The following LTBP1 variants were observed in gnomAD, a reference collection of about 807,000 sequenced individuals.
The protein encoded by LTBP1 is latent transforming growth factor beta binding protein 1.
LTBP1 carries 129 observed loss-of-function variants against 207.6 expected under a neutral mutation model. The observed-to-expected ratio is 0.62, with a 90% CI of 0.54 to 0.72. LTBP1 has a LOEUF of 0.72. Ranked by LOEUF, LTBP1 falls within the 30% of genes least tolerant of loss-of-function variation. The probability of loss-of-function intolerance (pLI) is 0.00; values close to 1 mark genes in which losing one functional copy is unlikely to be tolerated. For missense variants in LTBP1, 2,281 were observed against 2,217.2 expected, an observed-to-expected ratio of 1.03 and a Z score of -0.58; for synonymous variants, 963 against 833.7, an observed-to-expected ratio of 1.16 and a Z score of -2.67.
At chr2:33,051,081 T>C (rs912392129) in intron 3 of LTBP1, among the ~76,000 whole-genome samples, 2 of 152,088 alleles carry the variant, frequency 1.3e-5, no homozygotes, top group African/African-American at 4.8e-5. Flanking sequence ...CACACCATGA[T>C]TGTGAAGCTC....
chr2:33,346,234 A>G (rs2094699268), intron 25 of LTBP1, among the ~76,000 whole-genome samples: 1 of 152,238 alleles, frequency 6.6e-6, no homozygotes, highest in African/African-American at 2.4e-5. Flanking sequence ...TTCATTTCTC[A>G]AAGGAATATG....
At chr2:33,215,427 A>G (rs1258447015) in intron 7 of LTBP1, among the ~76,000 whole-genome samples, 1 of 152,222 alleles carries the variant, frequency 6.6e-6, no homozygotes, top group Non-Finnish European at 1.5e-5. Flanking sequence ...AATCATTAAA[A>G]ATAATAAAAC....
chr2:33,166,180 T>C (rs776401835), intron 5 of LTBP1, among the ~76,000 whole-genome samples: 2 of 152,122 alleles, frequency 1.3e-5, no homozygotes, highest in Non-Finnish European at 2.9e-5. Flanking sequence ...TGATTGTATT[T>C]TGTAAAAATA....
At chr2:33,247,900 G>C (rs1049775616) in intron 10 of LTBP1, among the ~76,000 whole-genome samples, 1 of 152,226 alleles carries the variant, frequency 6.6e-6, no homozygotes, top group Non-Finnish European at 1.5e-5. Context: ...GTTAATATGG[G>C]CTTTCCTTCC....
intron 7 of LTBP1, among the ~76,000 whole-genome samples, chr2:33,196,328 A>G (rs553863793): frequency 4.9e-4 from 74 of 152,348 alleles, no homozygotes; most frequent in African/African-American, 1.7e-3. Context: ...AAATATTAAA[A>G]TTTCCTAGAC....
chr2:33,305,729 A>G (rs2149086117), intron 22 of LTBP1, among the ~76,000 whole-genome samples: 1 of 152,332 alleles, frequency 6.6e-6, no homozygotes, highest in Middle Eastern at 3.4e-3. Context: ...GGGCCCTCCA[A>G]CATTTAGAAG....
intron 9 of LTBP1, among the ~76,000 whole-genome samples, chr2:33,240,791 C>T (rs1573375062): frequency 6.6e-6 from 1 of 151,872 alleles, no homozygotes; most frequent in Non-Finnish European, 1.5e-5. Context: ...GCTGGGACTG[C>T]AGGCACCTGC....
intron 5 of LTBP1, among the ~76,000 whole-genome samples, chr2:33,144,938 A>G (rs570684048): frequency 3.2e-4 from 48 of 152,328 alleles, no homozygotes; most frequent in African/African-American, 1.2e-3. Flanking sequence ...GGTCAGCCAC[A>G]TAGTCATCTT....
At chr2:33,031,827 C>T (rs769726191) in intron 3 of LTBP1, among the ~76,000 whole-genome samples, 1 of 151,818 alleles carries the variant, frequency 6.6e-6, no homozygotes, top group African/African-American at 2.4e-5. Flanking sequence ...TGTAGGGCTC[C>T]GAGGAATATG....
chr2:33,139,101 G>T (rs1046436405), intron 5 of LTBP1, among the ~76,000 whole-genome samples: 1 of 151,670 alleles, frequency 6.6e-6, no homozygotes, highest in Non-Finnish European at 1.5e-5. Context: ...CTCGTGATCC[G>T]CCCGCCTCGG....
intron 5 of LTBP1, among the ~76,000 whole-genome samples, chr2:33,156,612 A>G (rs1273372757): frequency 1.3e-5 from 2 of 152,312 alleles, no homozygotes; most frequent in East Asian, 3.9e-4. Flanking sequence ...ATATATAAGT[A>G]TTATTATTGT....
At chr2:32,969,229 T>TG (rs575035380) in intron 2 of LTBP1, among the ~76,000 whole-genome samples, 9,201 of 131,628 alleles carry the variant, frequency 0.07, 376 homozygotes, top group Non-Finnish European at 0.079. Flanking sequence ...CCTGGCCAAT[T>TG]TGTGTGTGTG....
rs779168923 is a variant in LTBP1, at chr2:32,975,583, G to GTTTTTT, written c.565+26671_565+26676dup. Among the ~76,000 whole-genome samples, 29 of 31,374 alleles carry GTTTTTT rather than the reference G, an allele frequency of 9.2e-4. 6 individuals carry two copies. The highest frequency in any genetic ancestry group is 1.8e-3 in the African/African-American group (13 of 7,278). 20.6% of individuals were successfully genotyped at this position (31,374 alleles called of 152,430 possible). A position where few individuals can be genotyped will look rare whatever the true frequency, so the allele number is the denominator to read the frequency against. On this transcript the variant is annotated intron_variant, in intron 2 of 33. Transcript: ENST00000404816. ...TTGTTGGAGGTTTCATTCATTCTTTGTTTTTTTTTTTTTTTTTTTTTTTTT... is the reference window on the plus strand; with the variant it reads ...TTGTTGGAGGTTTCATTCATTCTTTGTTTTTTTTTTTTTTTTTTTTTTTTTTTTTTT...
At chr2:33,063,931 G>A (rs546093810) in intron 3 of LTBP1, among the ~76,000 whole-genome samples, 2 of 151,050 alleles carry the variant, frequency 1.3e-5, no homozygotes, top group South Asian at 2.1e-4. Flanking sequence ...TTGGCTCACT[G>A]CAACCTCTGC....
chr2:33,323,127 C>G (rs566890697), intron 24 of LTBP1, among the ~76,000 whole-genome samples: 31 of 152,278 alleles, frequency 2.0e-4, no homozygotes, highest in African/African-American at 7.5e-4. Flanking sequence ...AACATTATAG[C>G]TTAGCCTAGC....
intron 15 of LTBP1, among the ~76,000 whole-genome samples, chr2:33,267,010 T>C (rs866835146): frequency 6.6e-6 from 1 of 152,220 alleles, no homozygotes; most frequent in African/African-American, 2.4e-5. Context: ...TAACAGCCTC[T>C]TTGGTGCTGT....
chr2:32,996,816 T>C (rs1685353708), intron 2 of LTBP1, among the ~76,000 whole-genome samples: 1 of 152,162 alleles, frequency 6.6e-6, no homozygotes, highest in Non-Finnish European at 1.5e-5. Context: ...CCCAGGCCAG[T>C]CTCGCGCAGT....
intron 5 of LTBP1, among the ~76,000 whole-genome samples, chr2:33,164,467 A>G (rs895038014): frequency 5.3e-5 from 8 of 150,660 alleles, no homozygotes; most frequent in Non-Finnish European, 8.9e-5. Context: ...TATTGGGTAT[A>G]TATTATTTTC....
intron 8 of LTBP1, among the ~76,000 whole-genome samples, chr2:33,219,732 T>C (rs1355145961): frequency 6.6e-6 from 1 of 152,182 alleles, no homozygotes; most frequent in East Asian, 1.9e-4. Flanking sequence ...TATTTTTCTT[T>C]TTCATTTTCA....
Sources: allele counts gnomAD v4.1 joint callset (sites outside exome capture counted in the v4.1 genomes callset), GRCh38; gene constraint gnomAD v4.1.1; transcripts MANE v1.5; gene names NCBI Gene and HGNC (gene_info 2026-07-23, HGNC 2026-07-21).